PIEZO2: variants seen among roughly 807,000 people sequenced by gnomAD.
PIEZO2 encodes piezo-type mechanosensitive ion channel component 2.
A neutral mutation model predicts 337.3 loss-of-function variants in PIEZO2; 172 were observed. The observed-to-expected ratio is 0.51, with a 90% CI of 0.45 to 0.58. PIEZO2 has a LOEUF of 0.58. Among genes scored for constraint, PIEZO2 ranks in the 20% least tolerant of loss-of-function variants. PIEZO2 has a pLI of 0.00. For missense variants in PIEZO2, 3,028 were observed against 3,391.3 expected, an observed-to-expected ratio of 0.89 and a Z score of 2.66; for synonymous variants, 1,251 against 1,228.5, an observed-to-expected ratio of 1.02 and a Z score of -0.38.
At position 10,969,311 on chromosome 18, in the gene PIEZO2, C is replaced by T. The variant is rs1355855327; in HGVS notation, c.286+10224G>A. On this transcript the variant is annotated intron_variant, in intron 3 of 55. Transcript: ENST00000674853. This position sits in a 1 kb window ranked among gnomAD's most constrained non-coding sequence, Gnocchi z 4.5. ...TTAGAGAATTTGTTATTTAAGCAAA[C>T]CAAATCAATCCCAAATCATTTTAAA... Among the ~76,000 whole-genome samples, 3 of 152,140 alleles carry T rather than the reference C, an allele frequency of 2.0e-5. No homozygotes were observed.
Position 11,125,834 on chromosome 18 carries a change from G to A in PIEZO2, c.64+22691C>T, listed in dbSNP as rs995399686. On this transcript the variant is annotated intron_variant, in intron 1 of 55. Transcript: ENST00000674853. The surrounding 1 kb of genome is among the most constrained non-coding windows in gnomAD (Gnocchi z 4.4). ...TTCATCAATTTGATTGTATGAAGTG[G>A]CTGAGTGAGTCTGAGATAAGATAGG... Among the ~76,000 whole-genome samples, 3 of 152,164 alleles carry A rather than the reference G, an allele frequency of 2.0e-5. No homozygotes were observed. Among genetic ancestry groups the A allele is most frequent in the African/African-American group, 7.2e-5 (3 of 41,446 alleles).
intron 1 of PIEZO2, among the ~76,000 whole-genome samples, chr18:11,142,695 C>T (rs1473229664): frequency 6.8e-6 from 1 of 148,004 alleles, no homozygotes; most frequent in Non-Finnish European, 1.5e-5. Flanking sequence ...GCAGAAGAAT[C>T]GCTTGAACCC....
chr18:11,147,656 G>A (rs1375843487), intron 1 of PIEZO2, among the ~76,000 whole-genome samples: 1 of 152,220 alleles, frequency 6.6e-6, no homozygotes, highest in Non-Finnish European at 1.5e-5. Context: ...CCAGGGCCCG[G>A]CATTCTTACG....
chr18:11,085,097 G>T (rs1165203814), intron 1 of PIEZO2, among the ~76,000 whole-genome samples: 1 of 152,118 alleles, frequency 6.6e-6, no homozygotes, highest in Non-Finnish European at 1.5e-5. Flanking sequence ...GTTCCACAAG[G>T]TATTGTCATT....
Position 11,147,954 on chromosome 18 carries a change from G to A in PIEZO2, c.64+571C>T, listed in dbSNP as rs536449539. Among the ~76,000 whole-genome samples the A allele has an allele frequency of 1.6e-3, 243 of 152,370 alleles. 1 individual carries two copies. Among genetic ancestry groups the A allele is most frequent in the African/African-American group, 5.7e-3 (239 of 41,594 alleles). ...AGCCTTAGCATCCAGTACTTTTGTAGTAGGGGCTTTTGTGGAGGTTTTAAA... is the reference window on the plus strand; with the variant it reads ...AGCCTTAGCATCCAGTACTTTTGTAATAGGGGCTTTTGTGGAGGTTTTAAA... On this transcript the variant is annotated intron_variant, in intron 1 of 55. Coordinates refer to ENST00000674853, the MANE Select transcript of PIEZO2 (RefSeq NM_001378183.1).
intron 2 of PIEZO2, among the ~76,000 whole-genome samples, chr18:11,051,433 C>A (rs1413674305): frequency 2.0e-5 from 3 of 151,304 alleles, no homozygotes; most frequent in Admixed American, 6.6e-5. Flanking sequence ...GATGATGATT[C>A]TTCTAAAATA....
At position 10,872,582 on chromosome 18, in the gene PIEZO2, C is replaced by T. The variant is rs550530332; in HGVS notation, c.330-1167G>A. Among the ~76,000 whole-genome samples, 10 of 146,688 alleles carry T rather than the reference C, an allele frequency of 6.8e-5. No individual in the cohort carries two copies. The highest frequency in any genetic ancestry group is 4.0e-4 in the Admixed American group (6 of 15,100). ...TTCTCACACCATTCAGCACACGACA[C>T]GGGCCAGCCATGTCCCTCATCCGGT... On this transcript the variant is annotated intron_variant, in intron 4 of 55. Transcript: ENST00000674853. The surrounding 1 kb of genome is among the most constrained non-coding windows in gnomAD (Gnocchi z 4.3).
chr18:11,068,642 A>T (rs903650020), intron 1 of PIEZO2, among the ~76,000 whole-genome samples: 5 of 152,148 alleles, frequency 3.3e-5, no homozygotes, highest in Non-Finnish European at 7.3e-5. Flanking sequence ...AGAAAAGCTA[A>T]CCAAGCCCAA....
intron 2 of PIEZO2, among the ~76,000 whole-genome samples, chr18:11,043,225 T>TAGC (rs1555698753): frequency 6.9e-6 from 1 of 144,188 alleles, no homozygotes; most frequent in African/African-American, 2.6e-5. Flanking sequence ...AAAGAGGAAA[T>TAGC]ATCTCCTCCC....
At chr18:11,044,097 T>G (rs1000713243) in intron 2 of PIEZO2, among the ~76,000 whole-genome samples, 3 of 151,754 alleles carry the variant, frequency 2.0e-5, no homozygotes, top group Non-Finnish European at 4.4e-5. Flanking sequence ...TACTTTAGAA[T>G]CCAAAATTGA....
chr18:10,738,542 ATGAC>A (rs1408635011), intron 33 of PIEZO2: 1 of 152,222 alleles, frequency 6.6e-6, no homozygotes, highest in African/African-American at 2.4e-5. Flanking sequence ...AACTAGGAAA[ATGAC>A]AGAGCACATT....
rs112421368 is a variant in PIEZO2, at chr18:10,688,679, G to A, written c.7497+976C>T. On this transcript the variant is annotated intron_variant, in intron 49 of 55. Coordinates refer to ENST00000674853, the MANE Select transcript of PIEZO2 (RefSeq NM_001378183.1). ...TCATCTCTTTCCAACATTTCAAATT[G>A]TTAAAAACATCTACTTTTTCTGCAC... Among the ~76,000 whole-genome samples the A allele has an allele frequency of 7.1e-3, 1,081 of 152,164 alleles. 18 individuals are homozygous for A. The highest frequency in any genetic ancestry group is 0.025 in the African/African-American group (1,020 of 41,508).
intron 4 of PIEZO2, among the ~76,000 whole-genome samples, chr18:10,873,580 T>C (rs996149032): frequency 1.3e-5 from 2 of 151,370 alleles, no homozygotes; most frequent in South Asian, 2.1e-4. Flanking sequence ...TTACAACTCA[T>C]TGATGATTTA....
At chr18:11,075,854 T>C (rs1343450730) in intron 1 of PIEZO2, among the ~76,000 whole-genome samples, 3 of 149,902 alleles carry the variant, frequency 2.0e-5, no homozygotes, top group Non-Finnish European at 4.4e-5. Flanking sequence ...AGTGGCGCGA[T>C]CTCCGCTCAC....
rs544390486 is a variant in PIEZO2, at chr18:10,947,977, T to A, written c.286+31558A>T. ...TTAAACAATTAAAATAAAAATGAAA[T>A]TTAAAAGCACACATTACAAAAGAAG... On this transcript the variant is annotated intron_variant, in intron 3 of 55. Transcript: ENST00000674853. Among the ~76,000 whole-genome samples the A allele has an allele frequency of 1.3e-3, 191 of 151,570 alleles. 1 individual carries two copies. Among genetic ancestry groups the A allele is most frequent in the African/African-American group, 4.3e-3 (176 of 41,340 alleles).
intron 3 of PIEZO2, among the ~76,000 whole-genome samples, chr18:10,922,371 A>T (rs2031473547): frequency 1.3e-5 from 2 of 152,130 alleles, no homozygotes; most frequent in Non-Finnish European, 2.9e-5. Context: ...TTAAAAAAAC[A>T]GAAAAAACGG....
In PIEZO2 at chr18:11,097,596, A is replaced by G. The variant is rs1217128036; in HGVS notation, c.65-31374T>C. Among the ~76,000 whole-genome samples the G allele has an allele frequency of 6.6e-6, 1 of 152,152 alleles. No homozygotes were observed. Among genetic ancestry groups the G allele is most frequent in the Non-Finnish European group, 1.5e-5 (1 of 68,014 alleles). ...AGAGGAGTACAGCCTAATCACCACC[A>G]CCAAAACAAGTTGTCTTCACCTGGA... On this transcript the variant is annotated intron_variant, in intron 1 of 55. Coordinates refer to ENST00000674853, the MANE Select transcript of PIEZO2 (RefSeq NM_001378183.1). This position sits in a 1 kb window ranked among gnomAD's most constrained non-coding sequence, Gnocchi z 5.0.
At chr18:10,722,354 C>A (rs1336949326) in intron 36 of PIEZO2, among the ~76,000 whole-genome samples, 1 of 151,768 alleles carries the variant, frequency 6.6e-6, no homozygotes. Context: ...CTTAAGCCTC[C>A]CAAGTAGCTG....
At chr18:10,939,459 C>A (rs1309618292) in intron 3 of PIEZO2, among the ~76,000 whole-genome samples, 2 of 152,214 alleles carry the variant, frequency 1.3e-5, no homozygotes, top group Admixed American at 6.5e-5. Context: ...TATAAAGACA[C>A]ATGCATACCT....
Sources: allele counts gnomAD v4.1 joint callset (sites outside exome capture counted in the v4.1 genomes callset), GRCh38; gene constraint gnomAD v4.1.1; non-coding constraint Gnocchi (gnomAD v3.1); transcripts MANE v1.5; gene names NCBI Gene and HGNC (gene_info 2026-07-23, HGNC 2026-07-21).